The following CCSER1 variants were observed in gnomAD, a reference collection of about 807,000 sequenced individuals.
CCSER1 encodes the protein coiled-coil serine rich protein 1.
Under a neutral mutation model 82.0 loss-of-function variants are expected in CCSER1, and 41 were observed. The ratio of observed to expected loss-of-function variants is 0.50; its 90% CI spans 0.39 to 0.65. The LOEUF is 0.65. Among genes scored for constraint, CCSER1 ranks in the 30% least tolerant of loss-of-function variants. The pLI is 0.00. For missense variants in CCSER1, 1,119 were observed against 1,064.2 expected (o/e 1.05, Z -0.72); for synonymous variants, 414 against 383.9 (o/e 1.08, Z -0.92).
At chr4:90,597,734 A>G (rs1371181107) in intron 5 of CCSER1, among the ~76,000 whole-genome samples, 2 of 152,066 alleles carry the variant, frequency 1.3e-5, no homozygotes, top group African/African-American at 2.4e-5. Flanking sequence ...TATAGCCCTC[A>G]TGTTGTACAT....
intron 5 of CCSER1, among the ~76,000 whole-genome samples, chr4:90,502,214 T>G (rs1209397134): frequency 6.6e-6 from 1 of 152,102 alleles, no homozygotes; most frequent in African/African-American, 2.4e-5. Context: ...GAATCATGGC[T>G]AGGGAGACCT....
rs563043247 is a variant in CCSER1 at position 91,264,316 on chromosome 4, TA to T, written c.2217+178329del. On this transcript the variant is annotated intron_variant, in intron 10 of 10. Transcript: ENST00000509176. ...GGAAAATAAATAGTTGCTTGCACAA[TA>T]AAAAAATCATGGTTGTAGTTAGTAT... 9.9e-3 allele frequency among the ~76,000 whole-genome samples: 1,498 copies of T among 151,818 alleles called. 15 individuals are homozygous for T. Among genetic ancestry groups the T allele is most frequent in the African/African-American group, 0.034 (1,422 of 41,450 alleles).
intron 1 of CCSER1, among the ~76,000 whole-genome samples, chr4:90,254,806 A>AT (rs1321319997): frequency 6.6e-6 from 1 of 152,010 alleles, no homozygotes; most frequent in African/African-American, 2.4e-5. Flanking sequence ...ATGTTTCTCC[A>AT]TTTTTTGCAT....
intron 5 of CCSER1, among the ~76,000 whole-genome samples, chr4:90,588,804 C>T (rs1268570912): frequency 6.6e-6 from 1 of 152,174 alleles, no homozygotes; most frequent in Non-Finnish European, 1.5e-5. Context: ...TCTGTCTTGC[C>T]TGCCGCTATG....
intron 7 of CCSER1, among the ~76,000 whole-genome samples, chr4:90,762,772 T>A (rs781309483): frequency 6.6e-6 from 1 of 152,264 alleles, no homozygotes; most frequent in Admixed American, 6.5e-5. Flanking sequence ...CATGCCTTAA[T>A]CCGGGAGCCT....
chr4:91,410,618 C>A (rs1442226185), intron 10 of CCSER1, among the ~76,000 whole-genome samples: 1 of 152,052 alleles, frequency 6.6e-6, no homozygotes, highest in Non-Finnish European at 1.5e-5. Flanking sequence ...CTTAAATATT[C>A]TCTGCCTTAT....
At chr4:90,731,207 T>C (rs1376875927) in intron 7 of CCSER1, among the ~76,000 whole-genome samples, 1 of 152,196 alleles carries the variant, frequency 6.6e-6, no homozygotes, top group East Asian at 1.9e-4. Context: ...AAATCAAAGA[T>C]AGTTTCTGAT....
chr4:90,178,630 G>A (rs1733157085), intron 1 of CCSER1, among the ~76,000 whole-genome samples: 1 of 152,140 alleles, frequency 6.6e-6, no homozygotes, highest in South Asian at 2.1e-4. Flanking sequence ...TTAGAATTCG[G>A]TATATGAGAA....
chr4:90,650,139 C>T (rs932281083), intron 6 of CCSER1, among the ~76,000 whole-genome samples: 6 of 152,064 alleles, frequency 3.9e-5, no homozygotes, highest in Non-Finnish European at 8.8e-5. Context: ...GTTGCTTGAA[C>T]CTGGGAGGGA....
intron 10 of CCSER1, among the ~76,000 whole-genome samples, chr4:91,182,828 A>G (rs1327402188): frequency 2.0e-5 from 3 of 152,180 alleles, no homozygotes; most frequent in Non-Finnish European, 4.4e-5. Context: ...TGTGACATCC[A>G]TTTGCCAAAG....
rs565775159 is a variant in CCSER1, at chr4:90,306,745, G to A, written c.-41-1499G>A. On this transcript the variant is annotated intron_variant, in intron 1 of 10. Coordinates refer to ENST00000509176, the MANE Select transcript of CCSER1 (RefSeq NM_001145065.2). ...ATAGTATTTGTTAATTTTTAGTCAC[G>A]TAGTTTTGGTTGTAAAGACTAAGAA... Among the ~76,000 whole-genome samples the A allele has an allele frequency of 1.1e-4, 16 of 152,230 alleles. No homozygotes were observed. The East Asian group carries it at 1.2e-3, about 11-fold the overall frequency.
chr4:90,426,291 T>A (rs1402105534), intron 4 of CCSER1, among the ~76,000 whole-genome samples: 2 of 152,244 alleles, frequency 1.3e-5, no homozygotes, highest in Non-Finnish European at 2.9e-5. Flanking sequence ...TGATACTCAT[T>A]GATTTATTTG....
chr4:90,500,740 A>T (rs1033419160), intron 5 of CCSER1, among the ~76,000 whole-genome samples: 2 of 152,266 alleles, frequency 1.3e-5, no homozygotes, highest in Admixed American at 1.3e-4. Context: ...AAACAAACAA[A>T]CAAATAAATT....
At chr4:91,258,207 T>C (rs1354830338) in intron 10 of CCSER1, among the ~76,000 whole-genome samples, 1 of 152,164 alleles carries the variant, frequency 6.6e-6, no homozygotes, top group Non-Finnish European at 1.5e-5. Flanking sequence ...AAATGTATTT[T>C]TTTCACAATG....
chr4:90,446,144 T>C (rs1339794154), intron 4 of CCSER1, among the ~76,000 whole-genome samples: 1 of 152,180 alleles, frequency 6.6e-6, no homozygotes, highest in Non-Finnish European at 1.5e-5. Context: ...TAGAAAGTGG[T>C]GAGCAAACTA....
At chr4:91,059,530 ATTCT>A (rs1743781078) in intron 9 of CCSER1, among the ~76,000 whole-genome samples, 1 of 151,230 alleles carries the variant, frequency 6.6e-6, no homozygotes, top group Admixed American at 6.6e-5. Flanking sequence ...CTATCATGGT[ATTCT>A]TTGTTTTTAA....
At chr4:90,357,848 G>A (rs955187061) in intron 3 of CCSER1, among the ~76,000 whole-genome samples, 1 of 151,904 alleles carries the variant, frequency 6.6e-6, no homozygotes, top group African/African-American at 2.4e-5. Context: ...CAGTAAAAGG[G>A]CATTTCCTGC....
In CCSER1 at chr4:90,303,737, A is replaced by G. The variant is rs180943428; in HGVS notation, c.-41-4507A>G. ...AGGCATTACCATTCAGGACATAGGC[A>G]TGCGCAAGGACTTCATGTCTAAAAC... On this transcript the variant is annotated intron_variant, in intron 1 of 10. Coordinates refer to ENST00000509176, the MANE Select transcript of CCSER1 (RefSeq NM_001145065.2). 2.6e-4 allele frequency among the ~76,000 whole-genome samples: 40 copies of G among 152,324 alleles called. No homozygotes were observed. In the East Asian group the frequency reaches 7.7e-3, roughly 29 times the overall value.
intron 8 of CCSER1, among the ~76,000 whole-genome samples, chr4:90,854,380 A>G (rs1363143484): frequency 1.3e-5 from 2 of 152,186 alleles, no homozygotes; most frequent in African/African-American, 4.8e-5. Flanking sequence ...CAAATTCTAA[A>G]ACCATATATT....
Sources: gnomAD v4.1 joint callset for allele counts (sites outside exome capture counted in the v4.1 genomes callset) on GRCh38, gnomAD v4.1.1 for gene constraint, MANE v1.5 for transcripts, NCBI Gene and HGNC (gene_info 2026-07-23, HGNC 2026-07-21) for gene names.